Variants in PTPRD observed in about 807,000 individuals in gnomAD.
The protein encoded by PTPRD is protein tyrosine phosphatase receptor type D, also known as receptor-type tyrosine-protein phosphatase delta.
PTPRD carries 34 observed loss-of-function variants against 214.5 expected under a neutral mutation model. The observed-to-expected ratio is 0.16, with a 90% confidence interval of 0.12 to 0.21. The LOEUF (loss-of-function observed/expected upper bound fraction) is 0.21, where lower values mean the gene tolerates loss of function less well. Ranked by LOEUF, PTPRD falls within the 10% of genes least tolerant of loss-of-function variation. The probability of loss-of-function intolerance (pLI) is 1.00; values close to 1 mark genes in which losing one functional copy is unlikely to be tolerated. For synonymous variants in PTPRD, 1,128 were observed against 845.7 expected (o/e 1.33, Z -5.79); for missense variants, 2,545 against 2,398.7 (o/e 1.06, Z -1.27).
intron 11 of PTPRD, among the ~76,000 whole-genome samples, chr9:8,803,232 T>G (rs1359102535): frequency 6.6e-6 from 1 of 152,082 alleles, no homozygotes; most frequent in Non-Finnish European, 1.5e-5. Flanking sequence ...AAAGTGTTTG[T>G]GAAAAAAAGT....
chr9:8,815,883 G>A (rs2096909608), intron 11 of PTPRD, among the ~76,000 whole-genome samples: 2 of 152,178 alleles, frequency 1.3e-5, no homozygotes, highest in African/African-American at 2.4e-5. Context: ...ATTATTGAAT[G>A]TACAAGTGAA....
chr9:9,876,686 T>G (rs2066965849), intron 5 of PTPRD, among the ~76,000 whole-genome samples: 1 of 152,180 alleles, frequency 6.6e-6, no homozygotes, highest in Non-Finnish European at 1.5e-5. Context: ...ATTTGTCATT[T>G]TGGGAGCTCT....
chr9:9,943,083 G>C (rs964843502), intron 4 of PTPRD, among the ~76,000 whole-genome samples: 1 of 152,090 alleles, frequency 6.6e-6, no homozygotes, highest in South Asian at 2.1e-4. Context: ...TAGGCTGTTA[G>C]CCTACCCAAG....
intron 21 of PTPRD, among the ~76,000 whole-genome samples, chr9:8,517,611 G>C (rs1346616122): frequency 6.6e-6 from 1 of 152,194 alleles, no homozygotes; most frequent in Non-Finnish European, 1.5e-5. Context: ...AAGTCTTCAA[G>C]TCATTCCCAT....
chr9:9,175,088 G>T (rs564595552), intron 10 of PTPRD, among the ~76,000 whole-genome samples: 1 of 152,166 alleles, frequency 6.6e-6, no homozygotes, highest in South Asian at 2.1e-4. Context: ...CACCAAATTT[G>T]CCAGCACTTT....
At chr9:9,240,931 G>A (rs978338957) in intron 9 of PTPRD, among the ~76,000 whole-genome samples, 1 of 151,992 alleles carries the variant, frequency 6.6e-6, no homozygotes, top group Non-Finnish European at 1.5e-5. Context: ...ATCAGCTGAG[G>A]TCCAAACTTG....
chr9:9,699,503 G>A (rs1315089665), intron 7 of PTPRD, among the ~76,000 whole-genome samples: 2 of 152,082 alleles, frequency 1.3e-5, no homozygotes, highest in African/African-American at 4.8e-5. Context: ...GTGTCTGATA[G>A]TTTAAATAAC....
intron 7 of PTPRD, among the ~76,000 whole-genome samples, chr9:9,630,651 C>T (rs767927690): frequency 5.3e-5 from 8 of 152,174 alleles, no homozygotes; most frequent in African/African-American, 1.4e-4. Flanking sequence ...ATGCAAAATC[C>T]GGGAGGAAAA....
intron 5 of PTPRD, among the ~76,000 whole-genome samples, chr9:9,863,465 C>T (rs563167437): frequency 1.3e-4 from 20 of 152,256 alleles, no homozygotes; most frequent in Admixed American, 1.1e-3. Context: ...TCAGTTTCCA[C>T]CTCATCTTTC....
At chr9:9,965,348 G>C (rs536283652) in intron 4 of PTPRD, among the ~76,000 whole-genome samples, 5 of 152,122 alleles carry the variant, frequency 3.3e-5, no homozygotes, top group African/African-American at 1.2e-4. Context: ...TTAATGAGAG[G>C]AGAAGGCTTT....
At chr9:9,305,668 G>A (rs1230543478) in intron 9 of PTPRD, among the ~76,000 whole-genome samples, 1 of 151,998 alleles carries the variant, frequency 6.6e-6, no homozygotes, top group Non-Finnish European at 1.5e-5. Flanking sequence ...TTAAAATGAG[G>A]TCATATTGAA....
intron 39 of PTPRD, among the ~76,000 whole-genome samples, chr9:8,370,040 G>T (rs936820973): frequency 3.3e-5 from 5 of 151,998 alleles, no homozygotes; most frequent in African/African-American, 1.2e-4. Flanking sequence ...GAACAAAACG[G>T]CCTTAGTTTC....
At chr9:10,428,678 T>C (rs189636607) in intron 2 of PTPRD, among the ~76,000 whole-genome samples, 4 of 152,198 alleles carry the variant, frequency 2.6e-5, no homozygotes, top group Admixed American at 2.6e-4. Context: ...AATTACTCAG[T>C]TGCAAAAATC....
Position 8,314,828 on chromosome 9 carries a change from G to C in PTPRD, c.*3046C>G, listed in dbSNP as rs954096963. ...TGGGTTCAAGTAATATCATTATTGGGTGTAGAATCAATAGGGCAGTGCATA... is the reference window on the plus strand; with the variant it reads ...TGGGTTCAAGTAATATCATTATTGGCTGTAGAATCAATAGGGCAGTGCATA... On this transcript the variant is annotated 3_prime_UTR_variant, in exon 46 of 46. Transcript: ENST00000381196. The C allele has an allele frequency of 8.6e-6, 2 of 232,176 alleles. No individual in the cohort carries two copies. The highest frequency in any genetic ancestry group is 1.7e-5 in the Non-Finnish European group (2 of 117,274). 14.4% of individuals were successfully genotyped at this position (232,176 alleles called of 1,614,324 possible).
intron 9 of PTPRD, among the ~76,000 whole-genome samples, chr9:9,230,313 C>T (rs536385598): frequency 2.6e-5 from 4 of 152,206 alleles, no homozygotes; most frequent in Admixed American, 1.3e-4. Context: ...CAAAATTTGA[C>T]GAGCTTCCAG....
At chr9:8,885,604 C>A (rs548351015) in intron 11 of PTPRD, among the ~76,000 whole-genome samples, 4 of 146,654 alleles carry the variant, frequency 2.7e-5, no homozygotes, top group Admixed American at 7.1e-5. Context: ...TCAAGCAATT[C>A]TCATGCCTCA....
chr9:8,501,113 G>GAA, intron 23 of PTPRD, 54 bp from the exon 24 acceptor site: 20 of 1,166,708 alleles, frequency 1.7e-5, no homozygotes, highest in South Asian at 5.6e-5. Context: ...AGGAGTGGTT[G>GAA]AAAAAAAAAA....
At chr9:9,409,503 C>T (rs569538700) in intron 8 of PTPRD, among the ~76,000 whole-genome samples, 3 of 152,092 alleles carry the variant, frequency 2.0e-5, no homozygotes, top group East Asian at 1.9e-4. Flanking sequence ...ACCAGTAACA[C>T]AGCTGGTGAG....
intron 6 of PTPRD, among the ~76,000 whole-genome samples, chr9:9,749,544 A>T (rs531935298): frequency 4.6e-5 from 7 of 152,318 alleles, no homozygotes; most frequent in African/African-American, 1.7e-4. Flanking sequence ...TATCAGATCA[A>T]TCATTGTTTA....
Sources: gnomAD v4.1 joint callset for allele counts (sites outside exome capture counted in the v4.1 genomes callset) on GRCh38, gnomAD v4.1.1 for gene constraint, MANE v1.5 for transcripts, NCBI Gene and HGNC (gene_info 2026-07-23, HGNC 2026-07-21) for gene names.